The following MYOZ3 variants were observed in gnomAD, a reference collection of about 807,000 sequenced individuals.
The protein encoded by MYOZ3 is myozenin-3.
MYOZ3 carries 19 observed loss-of-function variants against 26.5 expected under a neutral mutation model. That is an observed-to-expected ratio of 0.72 (90% CI 0.50 to 1.05). The LOEUF is 1.05. MYOZ3 is among the 50% of genes least tolerant of loss of function. The pLI, the probability that MYOZ3 is intolerant of heterozygous loss-of-function variation, is 0.00. For synonymous variants in MYOZ3, 135 were observed against 138.8 expected (o/e 0.97, Z 0.19); for missense variants, 322 against 337.1 (o/e 0.96, Z 0.35).
In MYOZ3 at chr5:150,676,885, G is replaced by C. The variant is rs752702318; in HGVS notation, c.*10G>C. 1.2e-6 allele frequency: 2 copies of C among 1,600,154 alleles called. No individual in the cohort carries two copies. The highest frequency in any genetic ancestry group is 2.2e-5 in the South Asian group (2 of 90,750). On this transcript the variant is annotated 3_prime_UTR_variant, in exon 7 of 7. Transcript: ENST00000517768. ...GTCCGAGGAGCTGTAGCCCTAGCCT[G>C]AATCTTCAGTTCCCCAGTCTCGGGG...
Position 150,679,309 on chromosome 5 carries a change from T to C in MYOZ3, c.*2434T>C, listed in dbSNP as rs953726167. ...GAGAATGTGACTTTTTCTGGTGTTG[T>C]AAAAAAGAAAAAAAAAAGAATGCTC... On this transcript the variant is annotated 3_prime_UTR_variant, in exon 7 of 7. Coordinates refer to ENST00000517768, the MANE Select transcript of MYOZ3 (RefSeq NM_001122853.3). 6 of 150,310 alleles carry C rather than the reference T, an allele frequency of 4.0e-5. No homozygotes were observed. The highest frequency in any genetic ancestry group is 1.5e-4 in the African/African-American group (6 of 40,476). The allele number at this position is 150,310 out of a possible 1,614,324, so 9.3% of individuals were successfully genotyped here.
intron 6 of MYOZ3, among the ~76,000 whole-genome samples, chr5:150,674,105 G>C (rs2151449347): frequency 6.6e-6 from 1 of 152,342 alleles, no homozygotes; most frequent in East Asian, 1.9e-4. Context: ...GAGACTTCCT[G>C]ATGGGAAGAA....
chr5:150,671,398 A>C (rs1207504614), intron 3 of MYOZ3, 199 bp from the exon 4 acceptor site: 7 of 611,362 alleles, frequency 1.1e-5, no homozygotes, highest in Non-Finnish European at 2.1e-5. Flanking sequence ...CGGCATTACA[A>C]TAGCAATTAA....
intron 6 of MYOZ3, among the ~76,000 whole-genome samples, 161 bp from the exon 7 acceptor site, chr5:150,676,543 CAAA>C (rs749959393): frequency 5.2e-5 from 3 of 57,958 alleles, no homozygotes; most frequent in African/African-American, 5.4e-5. Flanking sequence ...GACTCTGTCT[CAAA>C]AAAAAAAAAA....
At chr5:150,662,428 C>T (rs1294202507) in intron 1 of MYOZ3, among the ~76,000 whole-genome samples, 1 of 152,082 alleles carries the variant, frequency 6.6e-6, no homozygotes, top group Non-Finnish European at 1.5e-5. Flanking sequence ...CAGCCTGTGC[C>T]CTCAAGCGTC....
Position 150,670,465 on chromosome 5 carries a change from C to T in MYOZ3, c.62-19C>T, listed in dbSNP as rs1458566865. On this transcript the variant is annotated intron_variant, in intron 2 of 6. Transcript: ENST00000517768. ...TGGGGGATGGGGTGGTGAGAGCCCG[C>T]TCTGGCCTTTCCTGGCAGTCCCTAC... The T allele has an allele frequency of 6.3e-7, 1 of 1,597,174 alleles. No individual in the cohort carries two copies. Among genetic ancestry groups the T allele is most frequent in the South Asian group, 1.1e-5 (1 of 89,506 alleles).
At chr5:150,664,667 G>A (rs1425431238) in intron 2 of MYOZ3, among the ~76,000 whole-genome samples, 3 of 152,152 alleles carry the variant, frequency 2.0e-5, no homozygotes, top group Admixed American at 1.3e-4. Flanking sequence ...TTTTGGAAAT[G>A]AGAATATTGA....
intron 2 of MYOZ3, among the ~76,000 whole-genome samples, chr5:150,663,993 T>TAAA (rs1183750404): frequency 2.3e-5 from 3 of 129,716 alleles, no homozygotes; most frequent in Admixed American, 7.8e-5. Context: ...ACTCTGTCTC[T>TAAA]AAAAAAAAAA....
chr5:150,668,570 C>A (rs1258643694), intron 2 of MYOZ3, among the ~76,000 whole-genome samples: 1 of 152,198 alleles, frequency 6.6e-6, no homozygotes, highest in Non-Finnish European at 1.5e-5. Context: ...TCTCATCCAG[C>A]CTCCCAGCTT....
chr5:150,679,263 A>C lies in MYOZ3; in HGVS notation c.*2388A>C, dbSNP rs1759067431. ...CCTGGTGGGGAGACCACTGCACCCA[A>C]AACAAATCCTTTCTTCTTCTGAGAA... is the stretch of plus-strand genomic sequence containing the variant. On this transcript the variant is annotated 3_prime_UTR_variant, in exon 7 of 7. Coordinates refer to ENST00000517768, the MANE Select transcript of MYOZ3 (RefSeq NM_001122853.3). 6.6e-6 allele frequency: 1 copy of C among 151,816 alleles called. No homozygotes were observed. Among genetic ancestry groups the C allele is most frequent in the Non-Finnish European group, 1.5e-5 (1 of 68,028 alleles). The allele number at this position is 151,816 out of a possible 1,614,324, so 9.4% of individuals were successfully genotyped here.
intron 6 of MYOZ3, 185 bp downstream of exon 6, chr5:150,672,687 T>C (rs556171545): frequency 3.1e-6 from 2 of 639,568 alleles, no homozygotes; most frequent in African/African-American, 3.8e-5. Flanking sequence ...TCAGTTAACG[T>C]GGGAGAAATG....
intron 2 of MYOZ3, 75 bp from the exon 3 acceptor site, chr5:150,670,409 C>A: frequency 7.0e-7 from 1 of 1,429,328 alleles, no homozygotes. Flanking sequence ...ACACAGCATG[C>A]CATGCTTCGA....
At chr5:150,676,643 C>A in intron 6 of MYOZ3, 64 bp from the exon 7 acceptor site, 1 of 1,526,664 alleles carries the variant, frequency 6.6e-7, no homozygotes, top group South Asian at 1.2e-5. Context: ...TGGTGATCCA[C>A]ATGTCAGTGT....
At chr5:150,669,633 CTTTT>C (rs532402882) in intron 2 of MYOZ3, among the ~76,000 whole-genome samples, 44 of 47,670 alleles carry the variant, frequency 9.2e-4, no homozygotes, top group African/African-American at 2.4e-3. Context: ...CCCATATATG[CTTTT>C]TTTTTTTTTT....
intron 2 of MYOZ3, among the ~76,000 whole-genome samples, chr5:150,663,566 TA>T (rs1758766929): frequency 6.6e-6 from 1 of 152,222 alleles, no homozygotes. Context: ...ATCAAATGAG[TA>T]AATCATTTTT....
chr5:150,671,295 G>A (rs914073430), intron 3 of MYOZ3: 30 of 446,216 alleles, frequency 6.7e-5, no homozygotes, highest in Admixed American at 2.3e-4. Flanking sequence ...AATGCTCATA[G>A]ACCCCTCTGA....
chr5:150,676,368 ACC>A (rs1461290703), intron 6 of MYOZ3, among the ~76,000 whole-genome samples: 1 of 151,682 alleles, frequency 6.6e-6, no homozygotes, highest in Non-Finnish European at 1.5e-5. Context: ...ACATGGTGAA[ACC>A]CCGTCTCTAC....
chr5:150,671,504 C>T, intron 3 of MYOZ3, 93 bp from the exon 4 acceptor site: 1 of 1,348,386 alleles, frequency 7.4e-7, no homozygotes, highest in Non-Finnish European at 1.0e-6. Flanking sequence ...AGGATTCTTG[C>T]CTCCCCCCGA....
At chr5:150,672,087 A>T in intron 5 of MYOZ3, 179 bp downstream of exon 5, 1 of 1,134,346 alleles carries the variant, frequency 8.8e-7, no homozygotes, top group South Asian at 1.4e-5. Flanking sequence ...CCCAGGTCAC[A>T]CAGCGAGTCA....
Sources: allele counts gnomAD v4.1 joint callset (sites outside exome capture counted in the v4.1 genomes callset), GRCh38; gene constraint gnomAD v4.1.1; transcripts MANE v1.5; gene names NCBI Gene and HGNC (gene_info 2026-07-23, HGNC 2026-07-21).